Variants in INPP5F observed in about 807,000 individuals in gnomAD.
INPP5F encodes the protein inositol polyphosphate-5-phosphatase F.
INPP5F carries 97 observed loss-of-function variants against 137.2 expected under a neutral mutation model. The ratio of observed to expected loss-of-function variants is 0.71; its 90% CI spans 0.60 to 0.84. The LOEUF is 0.84. INPP5F is among the 40% of genes least tolerant of loss of function. The pLI, the probability that INPP5F is intolerant of heterozygous loss-of-function variation, is 0.00. For synonymous variants in INPP5F, 504 were observed against 476.9 expected (o/e 1.06, Z -0.74); for missense variants, 1,271 against 1,371.9 (o/e 0.93, Z 1.16).
intron 6 of INPP5F, among the ~76,000 whole-genome samples, chr10:119,794,272 C>T (rs566791547): frequency 2.6e-5 from 4 of 152,056 alleles, no homozygotes; most frequent in African/African-American, 9.7e-5. Flanking sequence ...CATCTTGCAC[C>T]GCCCTTAATC....
intron 4 of INPP5F, 112 bp downstream of exon 4, chr10:119,791,757 C>T: frequency 7.7e-7 from 1 of 1,304,654 alleles, no homozygotes; most frequent in Non-Finnish European, 1.1e-6. Flanking sequence ...ATTGAAGCAC[C>T]ATCTCCTTAT....
At chr10:119,812,393 T>TTTA (rs35344663) in intron 15 of INPP5F, among the ~76,000 whole-genome samples, 1 of 151,094 alleles carries the variant, frequency 6.6e-6, no homozygotes, top group Non-Finnish European at 1.5e-5. Flanking sequence ...TTTTTTTTTT[T>TTTA]AACAAAAACC....
At chr10:119,754,183 T>G (rs954242485) in intron 2 of INPP5F, among the ~76,000 whole-genome samples, 1 of 152,234 alleles carries the variant, frequency 6.6e-6, no homozygotes. Flanking sequence ...AGGGGACTCC[T>G]GGCCAGGGTC....
intron 6 of INPP5F, among the ~76,000 whole-genome samples, chr10:119,794,984 G>A (rs1589723271): frequency 7.4e-6 from 1 of 134,532 alleles, no homozygotes; most frequent in African/African-American, 2.8e-5. Flanking sequence ...CCGGGCAGAG[G>A]CGCCCCTCAC....
intron 1 of INPP5F, among the ~76,000 whole-genome samples, chr10:119,734,293 AATCAAACTAGTTTG>A (rs1273704296): frequency 1.3e-5 from 2 of 152,158 alleles, no homozygotes; most frequent in African/African-American, 4.8e-5. Context: ...ACTACTGGAA[AATCAAACTAGTTTG>A]ATCAAACTAG....
chr10:119,733,548 A>G (rs542963629), intron 1 of INPP5F, among the ~76,000 whole-genome samples: 1 of 152,344 alleles, frequency 6.6e-6, no homozygotes, highest in South Asian at 2.1e-4. Context: ...ACATCCTTTC[A>G]GAGCATGCAC....
chr10:119,736,923 G>A lies in INPP5F; in HGVS notation c.97+10564G>A, dbSNP rs150043778. On this transcript the variant is annotated intron_variant, in intron 1 of 19. Coordinates refer to ENST00000650623, the MANE Select transcript of INPP5F (RefSeq NM_014937.4). ...ACTGCAGCCTCGAACTCCTGGGCTC[G>A]GGTGATCCTCCCGCCTCAGCCTCCT... Among the ~76,000 whole-genome samples, 219 of 152,148 alleles carry A rather than the reference G, an allele frequency of 1.4e-3. 1 individual carries two copies. Among genetic ancestry groups the A allele is most frequent in the Middle Eastern group, 6.8e-3 (2 of 294 alleles).
intron 15 of INPP5F, chr10:119,819,430 G>A: frequency 1.3e-6 from 2 of 1,505,934 alleles, no homozygotes; most frequent in South Asian, 2.6e-5. Context: ...GCCAAAATAG[G>A]AGCTAGGATG....
At chr10:119,822,968 G>A (rs1184577721) in intron 17 of INPP5F, 103 bp from the exon 18 acceptor site, 8 of 1,156,186 alleles carry the variant, frequency 6.9e-6, no homozygotes, top group African/African-American at 3.1e-5. Context: ...TTTGTGTGCT[G>A]TCATTTATAT....
chr10:119,788,092 AT>A (rs1333044051), intron 3 of INPP5F, among the ~76,000 whole-genome samples: 3 of 152,212 alleles, frequency 2.0e-5, no homozygotes, highest in Non-Finnish European at 2.9e-5. Flanking sequence ...ATGGAAGATG[AT>A]TCCAAGGTTT....
chr10:119,805,163 G>A (rs1850724708), intron 10 of INPP5F, among the ~76,000 whole-genome samples: 1 of 152,174 alleles, frequency 6.6e-6, no homozygotes, highest in South Asian at 2.1e-4. Flanking sequence ...GATGTCTGTA[G>A]TATGTTTTAA....
At chr10:119,791,698 A>T in intron 4 of INPP5F, 53 bp downstream of exon 4, 1 of 1,483,790 alleles carries the variant, frequency 6.7e-7, no homozygotes, top group East Asian at 2.3e-5. Context: ...AGTTTTAAAT[A>T]GAGAGATAAT....
intron 9 of INPP5F, among the ~76,000 whole-genome samples, chr10:119,800,881 C>T (rs1229175124): frequency 1.4e-5 from 2 of 143,510 alleles, no homozygotes; most frequent in Non-Finnish European, 3.0e-5. Context: ...GCCCAGGAAG[C>T]GGAGGTTGCA....
intron 2 of INPP5F, among the ~76,000 whole-genome samples, chr10:119,776,611 G>A (rs1377938726): frequency 6.6e-6 from 1 of 151,934 alleles, no homozygotes; most frequent in Non-Finnish European, 1.5e-5. Context: ...GATATGAAAT[G>A]AATCCAGAGC....
intron 2 of INPP5F, among the ~76,000 whole-genome samples, chr10:119,765,057 C>T (rs181642534): frequency 7.4e-4 from 113 of 152,140 alleles, no homozygotes; most frequent in African/African-American, 2.4e-3. Flanking sequence ...CTCAACCTCC[C>T]GAGTAGGTGG....
chr10:119,828,049 G>A lies in INPP5F; in HGVS notation c.*269G>A, dbSNP rs897442691. On this transcript the variant is annotated 3_prime_UTR_variant, in exon 20 of 20. Coordinates refer to ENST00000650623, the MANE Select transcript of INPP5F (RefSeq NM_014937.4). ...AAGTAATTCAGCAACAGGTCACTTT[G>A]GGATATAACCTGAACCTTTTTTTGG... 5 of 311,764 alleles carry A rather than the reference G, an allele frequency of 1.6e-5. No homozygotes were observed. The highest frequency in any genetic ancestry group is 3.0e-5 in the Non-Finnish European group (5 of 167,600). 19.3% of individuals were successfully genotyped at this position (311,764 alleles called of 1,614,324 possible).
At chr10:119,773,518 G>A (rs544283492) in intron 2 of INPP5F, among the ~76,000 whole-genome samples, 4 of 152,152 alleles carry the variant, frequency 2.6e-5, no homozygotes, top group South Asian at 2.1e-4. Context: ...ACTATCCCCC[G>A]TTTCGGAATC....
At position 119,827,100 on chromosome 10, in the gene INPP5F, T is replaced by C; in HGVS notation, c.2719T>C (p.Ser907Pro). 6.2e-7 allele frequency: 1 copy of C among 1,614,174 alleles called. No homozygotes were observed. Among genetic ancestry groups the C allele is most frequent in the Non-Finnish European group, 8.5e-7 (1 of 1,180,032 alleles). Residue 907 changes from serine to proline, a missense_variant, in exon 20 of 20, where the codon TCT (serine) becomes CCT (proline). Coordinates refer to ENST00000650623, the MANE Select transcript of INPP5F (RefSeq NM_014937.4). ...SAPRLGSRSQ[S>P]LSSTDSSVHA... Reference sequence around the variant, plus strand: ...GCCTCGATTGGGCAGTCGGTCCCAGTCTCTTAGCAGCACAGATAGTAGCGT... The same window carrying C: ...GCCTCGATTGGGCAGTCGGTCCCAGCCTCTTAGCAGCACAGATAGTAGCGT...
intron 2 of INPP5F, among the ~76,000 whole-genome samples, chr10:119,760,284 G>A (rs549691523): frequency 6.6e-6 from 1 of 152,198 alleles, no homozygotes; most frequent in African/African-American, 2.4e-5. Flanking sequence ...TCAGAAAGAG[G>A]GGAGGAAAGC....
Sources: allele counts gnomAD v4.1 joint callset (sites outside exome capture counted in the v4.1 genomes callset), GRCh38; gene constraint gnomAD v4.1.1; transcripts MANE v1.5; gene names NCBI Gene and HGNC (gene_info 2026-07-23, HGNC 2026-07-21).